The following PAX8 variants were observed in gnomAD, a reference collection of about 807,000 sequenced individuals.
The protein encoded by PAX8 is paired box 8, also known as paired box protein Pax-8.
A neutral mutation model predicts 52.4 loss-of-function variants in PAX8; 15 were observed. The observed-to-expected ratio is 0.29, with a 90% confidence interval of 0.19 to 0.44. The LOEUF (loss-of-function observed/expected upper bound fraction) is 0.44. PAX8 is among the 20% of genes least tolerant of loss of function. PAX8 has a pLI of 1.00. For missense variants in PAX8, 554 were observed against 602.5 expected, an observed-to-expected ratio of 0.92 and a Z score of 0.84; for synonymous variants, 284 against 249.7, an observed-to-expected ratio of 1.14 and a Z score of -1.29.
At chr2:113,251,274 C>T (rs1197460969) in intron 2 of PAX8, among the ~76,000 whole-genome samples, 4 of 152,096 alleles carry the variant, frequency 2.6e-5, no homozygotes, top group South Asian at 2.1e-4. Flanking sequence ...GGACGATTGG[C>T]GCCCACTGTG....
chr2:113,260,605 T>C (rs547746963), intron 2 of PAX8, among the ~76,000 whole-genome samples: 2 of 151,730 alleles, frequency 1.3e-5, no homozygotes, highest in African/African-American at 4.8e-5. Context: ...AGGAAGGAAA[T>C]AACAGCTGTA....
chr2:113,274,115 T>C (rs1693648780), intron 2 of PAX8: 1 of 152,166 alleles, frequency 6.6e-6, no homozygotes, highest in African/African-American at 2.4e-5. Flanking sequence ...TGTGAAAAGA[T>C]TGTGCATACA....
chr2:113,271,293 C>T (rs1162891932), intron 2 of PAX8: 1 of 152,230 alleles, frequency 6.6e-6, no homozygotes. Context: ...GCTGAGTGTG[C>T]TTGGGAGATG....
chr2:113,263,933 GAAA>G (rs908318773), intron 2 of PAX8, among the ~76,000 whole-genome samples: 2 of 150,156 alleles, frequency 1.3e-5, no homozygotes, highest in Non-Finnish European at 3.0e-5. Flanking sequence ...GAAAGAAGAA[GAAA>G]AAAAAGGAAG....
chr2:113,257,709 G>A (rs1692363425), intron 2 of PAX8, among the ~76,000 whole-genome samples: 1 of 152,124 alleles, frequency 6.6e-6, no homozygotes. Flanking sequence ...AGAGGAAGTG[G>A]GGGAAGGAGG....
intron 2 of PAX8, chr2:113,270,481 G>GGGCA (rs1432054778): frequency 6.6e-6 from 1 of 152,192 alleles, no homozygotes; most frequent in Non-Finnish European, 1.5e-5. Flanking sequence ...TCTGCCTGCA[G>GGGCA]GGCAGGGGCT....
At chr2:113,264,550 C>T (rs1293293201) in intron 2 of PAX8, among the ~76,000 whole-genome samples, 12 of 152,138 alleles carry the variant, frequency 7.9e-5, no homozygotes. Context: ...AACCAGCAGC[C>T]CAGACATTTG....
At chr2:113,234,596 C>T (rs975100435) in intron 9 of PAX8, among the ~76,000 whole-genome samples, 3 of 152,252 alleles carry the variant, frequency 2.0e-5, no homozygotes, top group Non-Finnish European at 4.4e-5. Flanking sequence ...CCTCAGCTCA[C>T]TGCAACCTAT....
intron 2 of PAX8, among the ~76,000 whole-genome samples, chr2:113,261,198 A>T (rs1040161124): frequency 6.6e-6 from 1 of 152,050 alleles, no homozygotes; most frequent in African/African-American, 2.4e-5. Flanking sequence ...TCTGGAGAGG[A>T]AACAGGGGGT....
At position 113,269,976 on chromosome 2, in the gene PAX8, T is replaced by C. The variant is rs552880511; in HGVS notation, c.25+8394A>G. ...TAGTGTTTTCCCTATGACTGGGTTTTCTGGTAAGGTGAACTAAGGCATCCT... is the reference window on the plus strand; with the variant it reads ...TAGTGTTTTCCCTATGACTGGGTTTCCTGGTAAGGTGAACTAAGGCATCCT... On this transcript the variant is annotated intron_variant, in intron 2 of 11. Coordinates refer to ENST00000429538, the MANE Select transcript of PAX8 (RefSeq NM_003466.4). 2.6e-5 allele frequency: 4 copies of C among 152,352 alleles called. No homozygotes were observed. The East Asian group carries it at 7.7e-4, about 29-fold the overall frequency. 9.4% of individuals were successfully genotyped at this position (152,352 alleles called of 1,614,324 possible).
chr2:113,232,972 T>C (rs1247653663), intron 9 of PAX8, among the ~76,000 whole-genome samples: 6 of 151,682 alleles, frequency 4.0e-5, no homozygotes, highest in African/African-American at 1.5e-4. Context: ...TCAGAAGACA[T>C]GCAGGCTTGC....
At chr2:113,231,024 G>C (rs1689858304) in intron 9 of PAX8, among the ~76,000 whole-genome samples, 1 of 152,234 alleles carries the variant, frequency 6.6e-6, no homozygotes, top group African/African-American at 2.4e-5. Context: ...AATATTGGTA[G>C]AGGCCAGAAT....
intron 9 of PAX8, chr2:113,230,408 C>T (rs1413073404): frequency 6.6e-6 from 1 of 152,304 alleles, no homozygotes; most frequent in African/African-American, 2.4e-5. Context: ...GAGGTGCCCC[C>T]ACGGGGCTCC....
chr2:113,241,881 CAT>C, intron 6 of PAX8, 125 bp downstream of exon 6: 1 of 1,431,828 alleles, frequency 7.0e-7, no homozygotes, highest in Non-Finnish European at 9.7e-7. Context: ...AGGGACAGGA[CAT>C]GTGACAGTCA....
intron 2 of PAX8, chr2:113,273,282 C>T (rs897658383): frequency 1.3e-5 from 2 of 152,270 alleles, no homozygotes; most frequent in African/African-American, 2.4e-5. Flanking sequence ...GGGACCAGAA[C>T]CACAAACCAG....
At position 113,218,058 on chromosome 2, in the gene PAX8, G is replaced by A. The variant is rs1243140592; in HGVS notation, c.*475C>T. The A allele has an allele frequency of 1.3e-5, 3 of 234,146 alleles. No homozygotes were observed. The highest frequency in any genetic ancestry group is 2.5e-5 in the Non-Finnish European group (3 of 118,784). 14.5% of individuals were successfully genotyped at this position (234,146 alleles called of 1,614,324 possible). A position where few individuals can be genotyped will look rare whatever the true frequency, so the allele number is the denominator to read the frequency against. On this transcript the variant is annotated 3_prime_UTR_variant, in exon 12 of 12. Transcript: ENST00000429538. Reference sequence around the variant, plus strand: ...AGGTGACTCCCTGGGTGGCTGGTGAGGAGAGCCTCGGCACCAGGCTGTGAC... The same window carrying A: ...AGGTGACTCCCTGGGTGGCTGGTGAAGAGAGCCTCGGCACCAGGCTGTGAC...
At chr2:113,278,340 TC>T in intron 2 of PAX8, 29 bp downstream of exon 2, 1 of 1,524,780 alleles carries the variant, frequency 6.6e-7, no homozygotes, top group African/African-American at 1.4e-5. Flanking sequence ...GCGCGGGGGC[TC>T]GGGGATCCTG....
At chr2:113,245,047 T>TG (rs1304705388) in intron 3 of PAX8, among the ~76,000 whole-genome samples, 4 of 145,480 alleles carry the variant, frequency 2.7e-5, no homozygotes, top group South Asian at 2.2e-4. Context: ...TTTTTTTTGT[T>TG]TTTTTTTTTT....
At chr2:113,270,551 C>T (rs1693400313) in intron 2 of PAX8, 1 of 152,214 alleles carries the variant, frequency 6.6e-6, no homozygotes, top group African/African-American at 2.4e-5. Flanking sequence ...CTCATGGCCC[C>T]TGAGTTTATC....
Sources: allele counts gnomAD v4.1 joint callset (sites outside exome capture counted in the v4.1 genomes callset), GRCh38; gene constraint gnomAD v4.1.1; transcripts MANE v1.5; gene names NCBI Gene and HGNC (gene_info 2026-07-23, HGNC 2026-07-21).